SLC4A5: variants seen among roughly 807,000 people sequenced by gnomAD.
SLC4A5 encodes solute carrier family 4 member 5.
In SLC4A5, 96 loss-of-function variants were observed where a neutral mutation model predicts 120.4. That is an observed-to-expected ratio of 0.80 (90% CI 0.68 to 0.94). The LOEUF (loss-of-function observed/expected upper bound fraction) is 0.94, where lower values mean the gene tolerates loss of function less well. Ranked by LOEUF, SLC4A5 falls within the 40% of genes least tolerant of loss-of-function variation. The probability of loss-of-function intolerance (pLI) is 0.00; values close to 1 mark genes in which losing one functional copy is unlikely to be tolerated. For missense variants in SLC4A5, 1,259 were observed against 1,459.5 expected (o/e 0.86, Z 2.24); for synonymous variants, 550 against 571.1 (o/e 0.96, Z 0.53).
At chr2:74,325,203 T>G (rs940586459) in intron 5 of SLC4A5, among the ~76,000 whole-genome samples, 7 of 152,220 alleles carry the variant, frequency 4.6e-5, no homozygotes, top group Non-Finnish European at 8.8e-5. Flanking sequence ...ATTCTCAGAT[T>G]GGAAAAGAAA....
intron 26 of SLC4A5, 148 bp from the exon 27 acceptor site, chr2:74,227,278 G>A: frequency 9.8e-7 from 1 of 1,015,312 alleles, no homozygotes; most frequent in East Asian, 2.6e-5. Flanking sequence ...GGGGCTGGAG[G>A]TGTCTAGGCG....
chr2:74,247,250 G>C (rs757421028), exon 19 of SLC4A5: 1 of 1,614,198 alleles, frequency 6.2e-7, no homozygotes, highest in Non-Finnish European at 8.5e-7. Context: ...TAAGGCACTG[G>C]ACAGCTGAGT....
intron 7 of SLC4A5, among the ~76,000 whole-genome samples, chr2:74,299,581 T>A (rs576552610): frequency 7.6e-4 from 116 of 152,242 alleles, no homozygotes; most frequent in African/African-American, 2.7e-3. Flanking sequence ...AATGGACTAA[T>A]ACAACAAAGA....
At chr2:74,246,086 C>A (rs758543632) in intron 19 of SLC4A5, among the ~76,000 whole-genome samples, 19 of 152,186 alleles carry the variant, frequency 1.2e-4, no homozygotes, top group Non-Finnish European at 2.5e-4. Flanking sequence ...CTGGGCACAT[C>A]CCACTGAAAG....
At chr2:74,285,799 G>A (rs754634265) in exon 8 of SLC4A5, 2 of 1,611,866 alleles carry the variant, frequency 1.2e-6, no homozygotes, top group African/African-American at 1.3e-5. Context: ...ACTCCATCTG[G>A]TCTCCGTCAT....
At chr2:74,232,433 C>A (rs1463329325) in intron 24 of SLC4A5, 36 bp downstream of exon 24, 1 of 1,593,752 alleles carries the variant, frequency 6.3e-7, no homozygotes, top group Non-Finnish European at 8.5e-7. Flanking sequence ...TGGGCCCCTC[C>A]CCATTGGGTG....
At chr2:74,232,701 G>A in intron 23 of SLC4A5, 54 bp from the exon 24 acceptor site, 1 of 1,589,904 alleles carries the variant, frequency 6.3e-7, no homozygotes, top group Non-Finnish European at 8.6e-7. Context: ...AGTTCCTCCT[G>A]GATGCAACCA....
At chr2:74,252,432 C>T (rs369410188) in intron 15 of SLC4A5, 44 bp from the exon 16 acceptor site, 4 of 1,573,592 alleles carry the variant, frequency 2.5e-6, no homozygotes, top group Non-Finnish European at 3.5e-6. Context: ...CCCCAGAGCA[C>T]CCCTCACCTC....
At position 74,264,137 on chromosome 2, in the gene SLC4A5, C is replaced by A; in HGVS notation, c.715+10G>T. ...ATGTCCCATGCCTACCAGCGTAAGG[C>A]CTGACTCACTTGTGGTGGAGACTGA... On this transcript the variant is annotated intron_variant, in intron 10 of 30. Coordinates refer to ENST00000394019, the Ensembl canonical transcript of SLC4A5. The A allele has an allele frequency of 6.2e-7, 1 of 1,612,172 alleles. No homozygotes were observed. The highest frequency in any genetic ancestry group is 1.7e-5 in the Admixed American group (1 of 59,928).
exon 11 of SLC4A5, chr2:74,262,176 C>G (rs1234634605): frequency 6.2e-7 from 1 of 1,613,856 alleles, no homozygotes; most frequent in East Asian, 2.2e-5. Context: ...ATCCGCAGGT[C>G]TTCCGTGGAG....
chr2:74,302,980 C>T (rs1672518651), intron 7 of SLC4A5, among the ~76,000 whole-genome samples: 1 of 151,572 alleles, frequency 6.6e-6, no homozygotes, highest in South Asian at 2.1e-4. Context: ...GGCTTGCTTT[C>T]CTCTTGGTCT....
At chr2:74,232,422 G>A (rs1670120586) in intron 24 of SLC4A5, 47 bp downstream of exon 24, 2 of 1,578,826 alleles carry the variant, frequency 1.3e-6, no homozygotes, top group Non-Finnish European at 1.7e-6. Context: ...TCCTCCCCGA[G>A]TGGGCCCCTC....
chr2:74,260,608 A>G (rs1040323661), intron 11 of SLC4A5, among the ~76,000 whole-genome samples: 1 of 152,038 alleles, frequency 6.6e-6, no homozygotes, highest in Non-Finnish European at 1.5e-5. Context: ...CCCATCCACC[A>G]GCCCTTTAGA....
At chr2:74,288,807 T>C (rs1573065705) in intron 7 of SLC4A5, among the ~76,000 whole-genome samples, 1 of 152,174 alleles carries the variant, frequency 6.6e-6, no homozygotes, top group Non-Finnish European at 1.5e-5. Context: ...AACCTCAACA[T>C]ATTCAAAACA....
chr2:74,314,955 C>A, exon 6 of SLC4A5: 2 of 1,613,668 alleles, frequency 1.2e-6, no homozygotes, highest in Non-Finnish European at 1.7e-6. Flanking sequence ...CTTTCTGATC[C>A]GGAAATCTCC....
At chr2:74,271,355 T>C (rs188235239) in intron 8 of SLC4A5, among the ~76,000 whole-genome samples, 114 of 152,260 alleles carry the variant, frequency 7.5e-4, no homozygotes, top group African/African-American at 2.7e-3. Flanking sequence ...CTTGCTTGCA[T>C]ATAAGAATAC....
chr2:74,305,161 T>C (rs1177900574), intron 6 of SLC4A5, among the ~76,000 whole-genome samples: 1 of 152,206 alleles, frequency 6.6e-6, no homozygotes, highest in Non-Finnish European at 1.5e-5. Flanking sequence ...AAAGCTGGCT[T>C]TGTAAACTAA....
At chr2:74,282,455 G>A (rs1671843701) in intron 8 of SLC4A5, among the ~76,000 whole-genome samples, 2 of 152,230 alleles carry the variant, frequency 1.3e-5, no homozygotes, top group African/African-American at 2.4e-5. Context: ...CTGAGGTCCT[G>A]ATGGCCTTTC....
At chr2:74,239,461 G>A in exon 21 of SLC4A5, 1 of 1,613,944 alleles carries the variant, frequency 6.2e-7, no homozygotes. Flanking sequence ...TCCCAAGCAG[G>A]CGCCCGCCGT....
Sources: gnomAD v4.1 joint callset for allele counts (sites outside exome capture counted in the v4.1 genomes callset) on GRCh38, gnomAD v4.1.1 for gene constraint, MANE v1.5 for transcripts, NCBI Gene and HGNC (gene_info 2026-07-23, HGNC 2026-07-21) for gene names.